ADGRG4: variants seen among roughly 807,000 people sequenced by gnomAD.
The protein encoded by ADGRG4 is G protein-coupled receptor 112.
ADGRG4 carries 122 observed loss-of-function variants against 126.2 expected under a neutral mutation model. That is an observed-to-expected ratio of 0.97 (90% CI 0.83 to 1.12). ADGRG4 has a LOEUF of 1.12. Among genes scored for constraint, ADGRG4 ranks in the 50% most tolerant of loss-of-function variants. The probability of loss-of-function intolerance (pLI) is 0.00; values close to 1 mark genes in which losing one functional copy is unlikely to be tolerated. For synonymous variants in ADGRG4, 943 were observed against 838.7 expected (o/e 1.12, Z -2.15); for missense variants, 2,481 against 2,251.8 (o/e 1.10, Z -2.06).
intron 5 of ADGRG4, among the ~76,000 whole-genome samples, chrX:136,328,423 A>C: frequency 8.9e-6 from 1 of 112,192 alleles, no homozygotes. Flanking sequence ...ATGATCAAAC[A>C]AAGGAATTTT....
chrX:136,304,256 C>T (rs2074719823), intron 2 of ADGRG4, 49 bp downstream of exon 2: 1 of 111,330 alleles, frequency 9.0e-6, no homozygotes, highest in African/African-American at 3.3e-5. Context: ...TTTTTTGGTA[C>T]AAATTTAATT....
chrX:136,321,530 G>A (rs2074839329), intron 4 of ADGRG4, among the ~76,000 whole-genome samples: 1 of 111,782 alleles, frequency 8.9e-6, no homozygotes, highest in Non-Finnish European at 1.9e-5. Flanking sequence ...TTAGAGTGGT[G>A]GTCCCAACGT....
At chrX:136,312,566 C>T (rs1392177883) in intron 4 of ADGRG4, among the ~76,000 whole-genome samples, 2 of 111,808 alleles carry the variant, frequency 1.8e-5, no homozygotes, top group Admixed American at 1.9e-4. Flanking sequence ...GTGGAGGTTG[C>T]AGTGAGTTAA....
intron 15 of ADGRG4, among the ~76,000 whole-genome samples, chrX:136,383,813 CCTTTCTTTCTTTCTTTCTTT>C (rs373849599): frequency 7.2e-4 from 43 of 59,604 alleles, no homozygotes; most frequent in Admixed American, 2.0e-3. Context: ...TATATATTTG[CCTTTCTTTCTTTCTTTCTTT>C]CTTTCTTTCT....
intron 16 of ADGRG4, among the ~76,000 whole-genome samples, chrX:136,390,345 C>T (rs1456764711): frequency 9.0e-6 from 1 of 111,660 alleles, no homozygotes; most frequent in Non-Finnish European, 1.9e-5. Context: ...AGCCACCGTG[C>T]CTGGTCCATA....
chrX:136,339,378 G>A (rs2074966556), intron 5 of ADGRG4, among the ~76,000 whole-genome samples: 1 of 112,133 alleles, frequency 8.9e-6, no homozygotes, highest in Non-Finnish European at 1.9e-5. Flanking sequence ...CCCAGACTGG[G>A]TTATGTTCAA....
At chrX:136,393,175 C>A (rs147314695) in intron 17 of ADGRG4, among the ~76,000 whole-genome samples, 1,280 of 111,741 alleles carry the variant, frequency 0.011, 15 homozygotes, top group Middle Eastern at 0.037. Context: ...TTGATCTCAG[C>A]GGTGAGCCCC....
In ADGRG4 at chrX:136,323,140, G is replaced by A; in HGVS notation, c.433G>A (p.Val145Ile). ...LFLNKERILE[V>I]TDQPHNLTPH... Reference sequence around the variant, plus strand: ...CCTGAATAAAGAAAGGATACTGGAAGTAACGGATCAACCACACAACCTGAC... The same window carrying A: ...CCTGAATAAAGAAAGGATACTGGAAATAACGGATCAACCACACAACCTGAC... The change falls in exon 5 of 26, where the codon GTA (valine) becomes ATA (isoleucine). Residue 145 changes from valine to isoleucine, a missense_variant. Transcript: ENST00000394143. 8.3e-7 allele frequency: 1 copy of A among 1,211,858 alleles called. No individual in the cohort carries two copies. Among genetic ancestry groups the A allele is most frequent in the East Asian group, 3.0e-5 (1 of 33,857 alleles).
chrX:136,385,740 A>AT (rs2075289540), intron 15 of ADGRG4, among the ~76,000 whole-genome samples: 1 of 112,157 alleles, frequency 8.9e-6, no homozygotes, highest in African/African-American at 3.2e-5. Flanking sequence ...TAGATTATAG[A>AT]TTTTTGTCAT....
At chrX:136,378,547 G>A (rs1050518321) in intron 15 of ADGRG4, among the ~76,000 whole-genome samples, 11 of 111,151 alleles carry the variant, frequency 9.9e-5, no homozygotes, top group South Asian at 3.8e-4. Flanking sequence ...GTTGAAGTGG[G>A]CATCCTTGTC....
At chrX:136,364,583 A>G (rs1219323997) in intron 13 of ADGRG4, among the ~76,000 whole-genome samples, 1 of 112,055 alleles carries the variant, frequency 8.9e-6, no homozygotes, top group Non-Finnish European at 1.9e-5. Flanking sequence ...TTTGAAAACA[A>G]GACTGTACAA....
In ADGRG4 at chrX:136,322,877, C is replaced by G; in HGVS notation, c.170C>G (p.Ala57Gly). 1 of 1,211,400 alleles carries G rather than the reference C, an allele frequency of 8.3e-7. No homozygotes were observed. The highest frequency in any genetic ancestry group is 2.2e-5 in the Admixed American group (1 of 46,047). Reference sequence around the variant, plus strand: ...ATTCCTGAACTCAGCCGATTCACAGCATGCATTGATCTGGTATTCATGGAT... The same window carrying G: ...ATTCCTGAACTCAGCCGATTCACAGGATGCATTGATCTGGTATTCATGGAT... Reference protein sequence around the residue: ...DTIPELSRFTACIDLVFMDDN... With the variant: ...DTIPELSRFTGCIDLVFMDDN... The change falls in exon 5 of 26, where the codon GCA (alanine) becomes GGA (glycine). Residue 57 changes from alanine to glycine, a missense_variant. By Grantham distance (60) the Ala-to-Gly change is moderately conservative. Transcript: ENST00000394143.
intron 16 of ADGRG4, among the ~76,000 whole-genome samples, chrX:136,391,068 G>T (rs1473826816): frequency 9.0e-6 from 1 of 111,302 alleles, no homozygotes; most frequent in Non-Finnish European, 1.9e-5. Flanking sequence ...CAGGAAGTAA[G>T]TAGAGTCCTA....
At chrX:136,311,983 C>T (rs867131131) in intron 4 of ADGRG4, among the ~76,000 whole-genome samples, 1 of 111,457 alleles carries the variant, frequency 9.0e-6, no homozygotes, top group African/African-American at 3.3e-5. Flanking sequence ...AGGCATGTCC[C>T]ACCCTGCCTG....
At chrX:136,386,922 A>C (rs776635709) in intron 15 of ADGRG4, among the ~76,000 whole-genome samples, 2 of 112,310 alleles carry the variant, frequency 1.8e-5, no homozygotes, top group East Asian at 5.6e-4. Flanking sequence ...TTTCTGATGA[A>C]CAGAAATTTA....
At chrX:136,393,860 T>G (rs941066173) in intron 18 of ADGRG4, among the ~76,000 whole-genome samples, 1 of 112,177 alleles carries the variant, frequency 8.9e-6, no homozygotes, top group African/African-American at 3.2e-5. Context: ...CTGAAGATTA[T>G]AGGAGCTTAT....
chrX:136,395,466 C>T lies in ADGRG4; in HGVS notation c.8157C>T (p.Asp2719=). Reference sequence around the variant, plus strand: ...TAAATTACACAATCTGTCAGTGTGACCACCTCACCCATTTTGGAGTCTTAA... The same window carrying T: ...TAAATTACACAATCTGTCAGTGTGATCACCTCACCCATTTTGGAGTCTTAA... ...TNVNYTICQC[D]HLTHFGVLMD... is the part of the protein sequence containing the mutation. Residue 2719 remains aspartate, a synonymous_variant, in exon 19 of 26, where the codon GAC becomes GAT. Transcript: ENST00000394143. The T allele has an allele frequency of 3.4e-6, 4 of 1,180,480 alleles. No homozygotes were observed. Among genetic ancestry groups the T allele is most frequent in the Non-Finnish European group, 4.6e-6 (4 of 869,369 alleles).
At chrX:136,320,785 G>A (rs749552835) in intron 4 of ADGRG4, among the ~76,000 whole-genome samples, 1 of 110,680 alleles carries the variant, frequency 9.0e-6, no homozygotes, top group Admixed American at 9.7e-5. Context: ...CAGGCATGGT[G>A]GCATGCGCCT....
intron 18 of ADGRG4, 83 bp from the exon 19 acceptor site, chrX:136,395,307 C>G: frequency 3.8e-6 from 2 of 531,116 alleles, no homozygotes; most frequent in East Asian, 7.3e-5. Context: ...TTATAACACA[C>G]GTTTGGATAG....
Sources: gnomAD v4.1 joint callset for allele counts (sites outside exome capture counted in the v4.1 genomes callset) on GRCh38, gnomAD v4.1.1 for gene constraint, MANE v1.5 for transcripts, NCBI Gene and HGNC (gene_info 2026-07-23, HGNC 2026-07-21) for gene names.